The following KLHL5 variants were observed in gnomAD, a reference collection of about 807,000 sequenced individuals.
KLHL5 encodes the protein kelch-like protein 5.
A neutral mutation model predicts 77.7 loss-of-function variants in KLHL5; 48 were observed. That is an observed-to-expected ratio of 0.62 (90% CI 0.49 to 0.79). KLHL5 has a LOEUF of 0.79. Among genes scored for constraint, KLHL5 ranks in the 30% least tolerant of loss-of-function variants. The probability of loss-of-function intolerance (pLI) is 0.00; values close to 1 mark genes in which losing one functional copy is unlikely to be tolerated. For missense variants in KLHL5, 723 were observed against 859.7 expected (o/e 0.84, Z 1.99); for synonymous variants, 260 against 297.0 (o/e 0.88, Z 1.28).
intron 4 of KLHL5, 51 bp from the exon 5 acceptor site, chr4:39,086,464 T>C: frequency 1.4e-6 from 2 of 1,419,594 alleles, no homozygotes; most frequent in Non-Finnish European, 2.0e-6. Context: ...CTAAGTAAAT[T>C]GTGAAGGTCA....
At chr4:39,132,786 A>G in the KLHL5 span, among the ~76,000 whole-genome samples, 1 of 152,234 alleles carries the variant, frequency 6.6e-6, no homozygotes, top group East Asian at 1.9e-4. Context: ...TTTCTCATTC[A>G]TATTCCCTTC....
At chr4:39,126,573 A>G (rs995755566), downstream of KLHL5, 28 of 369,216 alleles carry the variant, frequency 7.6e-5, no homozygotes, top group South Asian at 5.9e-4. Context: ...GGTATAATCT[A>G]GAAAGCAAAC....
the KLHL5 span, among the ~76,000 whole-genome samples, chr4:39,132,231 TC>T: frequency 2.0e-5 from 3 of 152,046 alleles, no homozygotes; most frequent in Admixed American, 6.5e-5. Flanking sequence ...CAAACCAGTC[TC>T]CCCGGAAAGC....
At chr4:39,136,305 G>T in the KLHL5 span, among the ~76,000 whole-genome samples, 395 of 152,078 alleles carry the variant, frequency 2.6e-3, 2 homozygotes, top group African/African-American at 8.5e-3. Flanking sequence ...GATTACAGGT[G>T]CCCACCACCA....
At chr4:39,142,617 C>CTTCA in the KLHL5 span, among the ~76,000 whole-genome samples, 1 of 152,060 alleles carries the variant, frequency 6.6e-6, no homozygotes, top group Non-Finnish European at 1.5e-5. Flanking sequence ...CTCCCAGCAC[C>CTTCA]TTCATTCATA....
chr4:39,134,948 CTA>C, the KLHL5 span, among the ~76,000 whole-genome samples: 1 of 152,164 alleles, frequency 6.6e-6, no homozygotes, highest in Non-Finnish European at 1.5e-5. Flanking sequence ...ATTCTAAGGA[CTA>C]TGAATAGCCA....
chr4:39,117,999 T>C (rs1722960303), intron 10 of KLHL5, among the ~76,000 whole-genome samples: 1 of 150,476 alleles, frequency 6.6e-6, no homozygotes, highest in Non-Finnish European at 1.5e-5. Context: ...AGGTGGAGAT[T>C]GCAGTGAGCC....
intron 1 of KLHL5, among the ~76,000 whole-genome samples, chr4:39,050,786 C>G (rs1009400313): frequency 6.6e-6 from 1 of 152,202 alleles, no homozygotes; most frequent in African/African-American, 2.4e-5. Flanking sequence ...ACACAATTAA[C>G]ATGAGCTTGC....
intron 1 of KLHL5, among the ~76,000 whole-genome samples, chr4:39,054,440 C>T (rs955099265): frequency 6.6e-6 from 1 of 152,150 alleles, no homozygotes; most frequent in Admixed American, 6.5e-5. Context: ...TTTCTGACAA[C>T]AAAATGCCCC....
chr4:39,048,645 T>C (rs1431526071), intron 1 of KLHL5, among the ~76,000 whole-genome samples: 1 of 140,892 alleles, frequency 7.1e-6, no homozygotes, highest in Non-Finnish European at 1.5e-5. Context: ...TGGCTTTTTT[T>C]TTTTTTTTTT....
At chr4:39,090,721 T>C (rs2109429894) in intron 5 of KLHL5, among the ~76,000 whole-genome samples, 1 of 152,226 alleles carries the variant, frequency 6.6e-6, no homozygotes, top group Middle Eastern at 3.4e-3. Flanking sequence ...AATGCTGGGA[T>C]TACAAACTTG....
chr4:39,095,839 G>A (rs1372750650), intron 5 of KLHL5, among the ~76,000 whole-genome samples: 1 of 151,156 alleles, frequency 6.6e-6, no homozygotes, highest in African/African-American at 2.4e-5. Flanking sequence ...AAAACAATTA[G>A]TAAAAGAAAA....
chr4:39,143,015 T>C, the KLHL5 span, among the ~76,000 whole-genome samples: 1 of 152,058 alleles, frequency 6.6e-6, no homozygotes, highest in African/African-American at 2.4e-5. Context: ...AGGCTATGGA[T>C]GTGGTAAAAG....
chr4:39,112,105 G>A (rs1208362780), intron 8 of KLHL5, among the ~76,000 whole-genome samples: 1 of 152,080 alleles, frequency 6.6e-6, no homozygotes, highest in African/African-American at 2.4e-5. Context: ...CTTCCCAAAT[G>A]AATAGTAAGT....
intron 8 of KLHL5, among the ~76,000 whole-genome samples, chr4:39,111,657 T>G (rs1722463501): frequency 6.6e-6 from 1 of 152,208 alleles, no homozygotes; most frequent in South Asian, 2.1e-4. Context: ...TATTAAGAAC[T>G]AGAACATAAA....
Position 39,115,329 on chromosome 4 carries a change from A to G in KLHL5, c.2072A>G (p.Gln691Arg). The G allele has an allele frequency of 6.2e-7, 1 of 1,613,934 alleles. No individual in the cohort carries two copies. Among genetic ancestry groups the G allele is most frequent in the Non-Finnish European group, 8.5e-7 (1 of 1,179,862 alleles). ...GATCCCCAGACAAATGAGTGGACCC[A>G]GGTATGGCATTCATGTTTCATTATT... ...AYDPQTNEWT[Q>R]VAPLCLGRAG... is the part of the protein sequence containing the mutation. Residue 691 changes from glutamine (Q) to arginine (R), a missense_variant and splice_region_variant, in exon 10 of 11, where the codon CAG (glutamine) becomes CGG (arginine). By Grantham distance (43) the Gln-to-Arg change is conservative (BLOSUM62 1). Transcript: ENST00000504108.
chr4:39,109,867 AG>A (rs1193856648), intron 8 of KLHL5, among the ~76,000 whole-genome samples: 1 of 149,286 alleles, frequency 6.7e-6, no homozygotes, highest in Non-Finnish European at 1.5e-5. Flanking sequence ...TATTCTTAAT[AG>A]AGACAGGGTT....
At chr4:39,067,286 G>T (rs555374812) in intron 1 of KLHL5, among the ~76,000 whole-genome samples, 2 of 152,110 alleles carry the variant, frequency 1.3e-5, no homozygotes, top group African/African-American at 4.8e-5. Flanking sequence ...GCCTTACTCA[G>T]TTGAGATTTG....
chr4:39,138,424 A>G, the KLHL5 span, among the ~76,000 whole-genome samples: 3 of 152,226 alleles, frequency 2.0e-5, no homozygotes, highest in African/African-American at 7.2e-5. Context: ...ATGCAGCCAT[A>G]AAAAATAATG....
Sources: gnomAD v4.1 joint callset for allele counts (sites outside exome capture counted in the v4.1 genomes callset) on GRCh38, gnomAD v4.1.1 for gene constraint, MANE v1.5 for transcripts, NCBI Gene and HGNC (gene_info 2026-07-23, HGNC 2026-07-21) for gene names.